Variants in IFI27 observed in about 807,000 individuals in gnomAD.
IFI27 encodes the protein interferon alpha-inducible protein 27, mitochondrial.
In IFI27, 3 loss-of-function variants were observed where a neutral mutation model predicts 8.9. The ratio of observed to expected loss-of-function variants is 0.34; its 90% CI spans 0.15 to 0.87. IFI27 has a LOEUF of 0.87. Ranked by LOEUF, IFI27 falls within the 40% of genes least tolerant of loss-of-function variation. The probability of loss-of-function intolerance (pLI) is 0.51; values close to 1 mark genes in which losing one functional copy is unlikely to be tolerated. For synonymous variants in IFI27, 66 were observed against 67.3 expected (o/e 0.98, Z 0.09); for missense variants, 152 against 157.7 (o/e 0.96, Z 0.19).
upstream of IFI27, among the ~76,000 whole-genome samples, chr14:94,109,720 C>T (rs957872493): frequency 1.3e-5 from 2 of 152,198 alleles, no homozygotes; most frequent in African/African-American, 4.8e-5. Flanking sequence ...CCTCATCTTG[C>T]GTGAGAGCCC....
intron 2 of IFI27, chr14:94,112,984 T>C (rs1276317214): frequency 1.3e-5 from 2 of 152,210 alleles, no homozygotes; most frequent in Admixed American, 6.5e-5. Flanking sequence ...TAATAACAGC[T>C]CAACTTAAGC....
At chr14:94,108,735 T>C (rs965244101), upstream of IFI27, among the ~76,000 whole-genome samples, 56 of 146,276 alleles carry the variant, frequency 3.8e-4, no homozygotes, top group African/African-American at 1.4e-3. Context: ...CATATTGATG[T>C]CACACTTGTG....
rs905135478 is a variant in IFI27, at chr14:94,111,420, G to A, written c.-58-205G>A. On this transcript the variant is annotated intron_variant, in intron 1 of 4. Transcript: ENST00000621160. The surrounding 1 kb of genome is among the most constrained non-coding windows in gnomAD (Gnocchi z 4.3). ...CCCCTGGGGAAATAAAGTCCCTCAG[G>A]GCCCTGACCTAACACAGGTCCTTTG... Among the ~76,000 whole-genome samples, 1 of 152,080 alleles carries A rather than the reference G, an allele frequency of 6.6e-6. No individual in the cohort carries two copies. The highest frequency in any genetic ancestry group is 1.5e-5 in the Non-Finnish European group (1 of 68,014).
At chr14:94,112,009 G>C (rs1028820700) in intron 2 of IFI27, 1 of 592,872 alleles carries the variant, frequency 1.7e-6, no homozygotes, top group Non-Finnish European at 3.0e-6. Context: ...TCCCCTCTGG[G>C]CCCGGGCCTC....
upstream of IFI27, among the ~76,000 whole-genome samples, chr14:94,107,120 AG>A (rs780276667): frequency 2.0e-5 from 3 of 152,070 alleles, no homozygotes; most frequent in Non-Finnish European, 4.4e-5. Context: ...CCCAGGCTGG[AG>A]TGCAATGGCA....
rs530920821 is a variant in IFI27, at chr14:94,116,033, A to C, written c.283+91A>C. On this transcript the variant is annotated intron_variant, in intron 4 of 4. Coordinates refer to ENST00000621160, the Ensembl canonical transcript of IFI27. This position sits in a 1 kb window ranked among gnomAD's most constrained non-coding sequence, Gnocchi z 4.3. ...TCCCAATCTCAACCCTATGAACCTC[A>C]ATCTCCCTGTTCCTCTGTCTCTCTC... The C allele has an allele frequency of 1.6e-6, 2 of 1,213,188 alleles. No individual in the cohort carries two copies. The highest frequency in any genetic ancestry group is 1.5e-5 in the African/African-American group (1 of 66,672). The allele number at this position is 1,213,188 out of a possible 1,614,324, so 75.2% of individuals were successfully genotyped here.
At chr14:94,114,680 C>T (rs1887320193) in intron 2 of IFI27, 171 bp from the exon 3 acceptor site, 3 of 655,584 alleles carry the variant, frequency 4.6e-6, no homozygotes, top group Non-Finnish European at 8.2e-6. Context: ...TCACCCTCCT[C>T]CAGAATTTCC....
chr14:94,116,611 A>G lies in IFI27; in HGVS notation c.*84A>G. 1.1e-6 allele frequency: 1 copy of G among 938,640 alleles called. No individual in the cohort carries two copies. The highest frequency in any genetic ancestry group is 1.7e-6 in the Non-Finnish European group (1 of 586,488). The allele number at this position is 938,640 out of a possible 1,614,324, so 58.1% of individuals were successfully genotyped here. ...ATCCTGACCCAGCGAGGAGCCAACT[A>G]TCCCAAATATACCTGGGGTGAAATA... On this transcript the variant is annotated 3_prime_UTR_variant, in exon 5 of 5. Coordinates refer to ENST00000621160, the Ensembl canonical transcript of IFI27. This position sits in a 1 kb window ranked among gnomAD's most constrained non-coding sequence, Gnocchi z 4.3.
At chr14:94,115,166 C>CT (rs1887343416) in intron 3 of IFI27, among the ~76,000 whole-genome samples, 1 of 152,228 alleles carries the variant, frequency 6.6e-6, no homozygotes, top group Non-Finnish European at 1.5e-5. Flanking sequence ...CTGAGCATGT[C>CT]TTTGAACTCC....
intron 2 of IFI27, chr14:94,114,611 G>T (rs910558401): frequency 1.8e-6 from 1 of 559,348 alleles, no homozygotes; most frequent in Non-Finnish European, 3.2e-6. Context: ...CAATCAACTA[G>T]GTCAGGGCCA....
At chr14:94,106,105 A>G (rs1468970269), upstream of IFI27, among the ~76,000 whole-genome samples, 1 of 152,154 alleles carries the variant, frequency 6.6e-6, no homozygotes, top group Non-Finnish European at 1.5e-5. Context: ...GTTTGTAAAT[A>G]CTGCTTTCTG....
At chr14:94,106,337 G>A (rs1244628149), upstream of IFI27, among the ~76,000 whole-genome samples, 1 of 152,242 alleles carries the variant, frequency 6.6e-6, no homozygotes, top group Non-Finnish European at 1.5e-5. Context: ...TATATACCCA[G>A]AGGTGGGGTT....
intron 2 of IFI27, chr14:94,112,335 G>A (rs1266711630): frequency 6.3e-6 from 1 of 157,614 alleles, no homozygotes; most frequent in East Asian, 1.9e-4. Context: ...ATGTATTTTT[G>A]CAGAATGGGT....
Position 94,116,678 on chromosome 14 carries a change from T to A in IFI27, c.*151T>A, listed in dbSNP as rs2139305835. 3.1e-6 allele frequency: 2 copies of A among 646,990 alleles called. No individual in the cohort carries two copies. Among genetic ancestry groups the A allele is most frequent in the East Asian group, 5.5e-5 (2 of 36,672 alleles). The allele number at this position is 646,990 out of a possible 1,614,324, so 40.1% of individuals were successfully genotyped here. On this transcript the variant is annotated 3_prime_UTR_variant, in exon 5 of 5. Coordinates refer to ENST00000621160, the Ensembl canonical transcript of IFI27. This position sits in a 1 kb window ranked among gnomAD's most constrained non-coding sequence, Gnocchi z 4.3. ...TCCAGAGGAAAATAAGAAATAAAGA[T>A]GAATTGTTGCAACTCTTCCCAGAAT...
At chr14:94,115,671 T>G in intron 3 of IFI27, 110 bp from the exon 4 acceptor site, 1 of 1,163,690 alleles carries the variant, frequency 8.6e-7, no homozygotes, top group South Asian at 1.4e-5. Flanking sequence ...TCTCCCAAGC[T>G]CAAAGTTCAC....
upstream of IFI27, among the ~76,000 whole-genome samples, chr14:94,109,438 A>G (rs2139284182): frequency 1.3e-5 from 2 of 152,120 alleles, no homozygotes; most frequent in South Asian, 4.2e-4. Flanking sequence ...AAGGAAGAAA[A>G]AAAGTTTATT....
At chr14:94,114,453 A>G (rs1887311269) in intron 2 of IFI27, 1 of 206,862 alleles carries the variant, frequency 4.8e-6, no homozygotes, top group Admixed American at 5.3e-5. Flanking sequence ...AGTATCCTGT[A>G]TTTACTGGGA....
At chr14:94,110,196 C>T (rs1046747033), upstream of IFI27, among the ~76,000 whole-genome samples, 6 of 152,204 alleles carry the variant, frequency 3.9e-5, no homozygotes, top group African/African-American at 1.4e-4. Context: ...TGCTTTAGCG[C>T]TTCATCAAAT....
intron 2 of IFI27, 66 bp from the exon 3 acceptor site, chr14:94,114,785 A>G (rs1258464581): frequency 8.2e-6 from 13 of 1,584,330 alleles, no homozygotes; most frequent in South Asian, 5.5e-5. Context: ...TAGATGGGCA[A>G]TCGGCTTAGA....
Sources: gnomAD v4.1 joint callset for allele counts (sites outside exome capture counted in the v4.1 genomes callset) on GRCh38, gnomAD v4.1.1 for gene constraint, Gnocchi (gnomAD v3.1) non-coding constraint, MANE v1.5 for transcripts, NCBI Gene and HGNC (gene_info 2026-07-23, HGNC 2026-07-21) for gene names.